TMEM114: variants seen among roughly 807,000 people sequenced by gnomAD.
TMEM114 encodes claudin-26.
TMEM114 carries 6 observed loss-of-function variants against 6.2 expected under a neutral mutation model. That is an observed-to-expected ratio of 0.97 (90% confidence interval 0.53 to 1.91). TMEM114 has a LOEUF of 1.91. Ranked by LOEUF, TMEM114 falls within the 40% of genes most tolerant of loss-of-function variation. The probability of loss-of-function intolerance (pLI) is 0.01; values close to 1 mark genes in which losing one functional copy is unlikely to be tolerated. For missense variants in TMEM114, 218 were observed against 158.3 expected (o/e 1.38, Z -2.02); for synonymous variants, 104 against 73.0 (o/e 1.42, Z -2.16).
At chr16:8,559,204 G>A (rs1448814029) in intron 2 of TMEM114, among the ~76,000 whole-genome samples, 3 of 150,836 alleles carry the variant, frequency 2.0e-5, no homozygotes, top group Non-Finnish European at 2.9e-5. Context: ...CACTACGCCC[G>A]GATAATTTTT....
At chr16:8,557,287 A>G (rs1293876977) in intron 2 of TMEM114, among the ~76,000 whole-genome samples, 1 of 152,088 alleles carries the variant, frequency 6.6e-6, no homozygotes, top group African/African-American at 2.4e-5. Flanking sequence ...TGGGAGCACT[A>G]GCCCTGGGCC....
chr16:8,553,324 T>C (rs1187282610), intron 2 of TMEM114, among the ~76,000 whole-genome samples: 2 of 152,190 alleles, frequency 1.3e-5, no homozygotes, highest in Non-Finnish European at 2.9e-5. Context: ...TGGGTGTCTG[T>C]GGCCAGAGAA....
At chr16:8,586,718 C>T (rs1334538056) in intron 2 of TMEM114, among the ~76,000 whole-genome samples, 1 of 152,016 alleles carries the variant, frequency 6.6e-6, no homozygotes, top group East Asian at 1.9e-4. Context: ...CCATGTTGGC[C>T]AGGCTGGTCT....
At chr16:8,538,844 A>G (rs1302627553) in intron 2 of TMEM114, among the ~76,000 whole-genome samples, 2 of 152,068 alleles carry the variant, frequency 1.3e-5, no homozygotes, top group Admixed American at 6.5e-5. Context: ...ACTTCATTGC[A>G]TATGTGTGTG....
intron 2 of TMEM114, among the ~76,000 whole-genome samples, chr16:8,579,041 C>A (rs1322191783): frequency 2.0e-5 from 3 of 152,110 alleles, no homozygotes; most frequent in Non-Finnish European, 4.4e-5. Flanking sequence ...AACGTGTGTG[C>A]CCCAGTGCAG....
chr16:8,574,464 G>T (rs1181004473), intron 2 of TMEM114, among the ~76,000 whole-genome samples: 1 of 152,134 alleles, frequency 6.6e-6, no homozygotes, highest in Non-Finnish European at 1.5e-5. Flanking sequence ...ACTAACTTTG[G>T]TGAGTCAAGA....
chr16:8,583,278 T>C (rs554332934), intron 2 of TMEM114, among the ~76,000 whole-genome samples: 23 of 152,276 alleles, frequency 1.5e-4, no homozygotes, highest in African/African-American at 5.3e-4. Flanking sequence ...GATGATTAGC[T>C]CTATTTCATA....
downstream of TMEM114, among the ~76,000 whole-genome samples, chr16:8,566,569 C>CAGAAT (rs1901552269): frequency 6.6e-6 from 1 of 151,092 alleles, no homozygotes; most frequent in African/African-American, 2.4e-5. Flanking sequence ...CAGAACAGAA[C>CAGAAT]AGAATGGAAC....
chr16:8,529,512 C>G, the TMEM114 span, among the ~76,000 whole-genome samples: 3 of 152,142 alleles, frequency 2.0e-5, no homozygotes, highest in Non-Finnish European at 2.9e-5. Flanking sequence ...GTCCTCAGAT[C>G]AGCAGCATCA....
At chr16:8,543,689 C>A (rs1288178109) in intron 2 of TMEM114, among the ~76,000 whole-genome samples, 1 of 152,176 alleles carries the variant, frequency 6.6e-6, no homozygotes, top group South Asian at 2.1e-4. Context: ...TTTCTTCTAA[C>A]ATGGACTGTA....
At chr16:8,576,061 G>A (rs868255994) in intron 2 of TMEM114, among the ~76,000 whole-genome samples, 3 of 152,120 alleles carry the variant, frequency 2.0e-5, no homozygotes, top group African/African-American at 4.8e-5. Context: ...GACATCAGAC[G>A]AGGTCATCTG....
intron 2 of TMEM114, among the ~76,000 whole-genome samples, chr16:8,542,206 A>G (rs1305226518): frequency 6.6e-6 from 1 of 151,912 alleles, no homozygotes; most frequent in Non-Finnish European, 1.5e-5. Context: ...CTCTGCCAAG[A>G]TTTCTCCTGC....
chr16:8,582,109 G>C (rs1164243171), intron 2 of TMEM114, among the ~76,000 whole-genome samples: 2 of 152,216 alleles, frequency 1.3e-5, no homozygotes, highest in Non-Finnish European at 2.9e-5. Flanking sequence ...ATCCAATCTT[G>C]TGATTTTTCC....
At chr16:8,553,252 G>A (rs1050695521) in intron 2 of TMEM114, among the ~76,000 whole-genome samples, 1 of 152,160 alleles carries the variant, frequency 6.6e-6, no homozygotes, top group East Asian at 1.9e-4. Context: ...TGATTTAATG[G>A]GCATTCTTTC....
At chr16:8,534,351 T>TCAA (rs1900294912), downstream of TMEM114, among the ~76,000 whole-genome samples, 1 of 82,872 alleles carries the variant, frequency 1.2e-5, no homozygotes, top group Non-Finnish European at 2.5e-5. Context: ...TTTGCTTATT[T>TCAA]GAAAAAAAAA....
the TMEM114 span, among the ~76,000 whole-genome samples, chr16:8,528,149 C>T: frequency 1.1e-4 from 16 of 152,212 alleles, no homozygotes; most frequent in East Asian, 3.9e-4. Context: ...GATCTGCCTG[C>T]CTAGGCCTCC....
intron 2 of TMEM114, among the ~76,000 whole-genome samples, chr16:8,552,211 CAA>C (rs35740277): frequency 6.2e-5 from 8 of 129,016 alleles, no homozygotes; most frequent in Non-Finnish European, 5.0e-5. Context: ...CCTATCTCTG[CAA>C]AAAAAAAAAA....
At chr16:8,566,658 C>A (rs151308814), downstream of TMEM114, among the ~76,000 whole-genome samples, 2 of 152,270 alleles carry the variant, frequency 1.3e-5, no homozygotes, top group East Asian at 3.9e-4. Flanking sequence ...TCTCTCCCTG[C>A]CTCTACCTTC....
At chr16:8,532,566 G>T in the TMEM114 span, among the ~76,000 whole-genome samples, 1 of 152,162 alleles carries the variant, frequency 6.6e-6, no homozygotes, top group Non-Finnish European at 1.5e-5. Context: ...AGAGAACGAC[G>T]TGTCTCATTT....
Sources: gnomAD v4.1 joint callset for allele counts (sites outside exome capture counted in the v4.1 genomes callset) on GRCh38, gnomAD v4.1.1 for gene constraint, MANE v1.5 for transcripts, NCBI Gene and HGNC (gene_info 2026-07-23, HGNC 2026-07-21) for gene names.